The following WNK3 variants were observed in gnomAD, a reference collection of about 807,000 sequenced individuals.
WNK3 encodes the protein WNK lysine deficient protein kinase 3.
Under a neutral mutation model 116.7 loss-of-function variants are expected in WNK3, and 18 were observed. The ratio of observed to expected loss-of-function variants is 0.15; its 90% CI spans 0.11 to 0.23. WNK3 has a LOEUF of 0.23. Among genes scored for constraint, WNK3 ranks in the 10% least tolerant of loss-of-function variants. WNK3 has a pLI of 1.00. For missense variants in WNK3, 993 were observed against 1,323.8 expected (o/e 0.75, Z 3.88); for synonymous variants, 404 against 469.4 (o/e 0.86, Z 1.80).
chrX:54,317,912 G>A (rs2068980852), intron 2 of WNK3, among the ~76,000 whole-genome samples: 1 of 110,250 alleles, frequency 9.1e-6, no homozygotes, highest in South Asian at 4.0e-4. Flanking sequence ...GATTATAGGC[G>A]TGAGCCACCG....
chrX:54,216,136 C>G (rs953568165), intron 22 of WNK3, among the ~76,000 whole-genome samples: 1 of 109,942 alleles, frequency 9.1e-6, no homozygotes, highest in Non-Finnish European at 1.9e-5. Context: ...GGGACACAAA[C>G]ACTGCGGAAG....
At chrX:54,232,589 G>T (rs2067914435) in intron 21 of WNK3, among the ~76,000 whole-genome samples, 1 of 112,053 alleles carries the variant, frequency 8.9e-6, no homozygotes, top group African/African-American at 3.2e-5. Flanking sequence ...CCAAATAAAA[G>T]CATGAACCAT....
chrX:54,272,127 C>T (rs781978839), intron 10 of WNK3, among the ~76,000 whole-genome samples: 2 of 111,980 alleles, frequency 1.8e-5, no homozygotes, highest in South Asian at 7.4e-4. Flanking sequence ...AGTCTGATTC[C>T]CTGGAAACTA....
chrX:54,213,565 C>CAAAAAAAAAAAAA (rs782750356), intron 22 of WNK3, among the ~76,000 whole-genome samples: 2 of 25,329 alleles, frequency 7.9e-5, no homozygotes, highest in East Asian at 8.5e-4. Context: ...AAAAAAAAAA[C>CAAAAAAAAAAAAA]AAACAAAAAA....
intron 22 of WNK3, among the ~76,000 whole-genome samples, chrX:54,215,500 GCCCAGGC>G (rs2067679125): frequency 8.9e-6 from 1 of 112,609 alleles, no homozygotes; most frequent in African/African-American, 3.2e-5. Context: ...GCTCAATGTT[GCCCAGGC>G]TGGAGTGCAG....
At chrX:54,293,139 A>G in exon 9 of WNK3, 1 of 1,204,467 alleles carries the variant, frequency 8.3e-7, no homozygotes, top group Non-Finnish European at 1.1e-6. Flanking sequence ...CTCACCCCTG[A>G]AACTTGCTGG....
chrX:54,215,682 G>T (rs1403972309), intron 22 of WNK3, among the ~76,000 whole-genome samples: 1 of 110,268 alleles, frequency 9.1e-6, no homozygotes, highest in Non-Finnish European at 1.9e-5. Flanking sequence ...GTCTCTGCCC[G>T]GCCGCCCATC....
At chrX:54,264,558 G>A (rs191295839) in intron 10 of WNK3, among the ~76,000 whole-genome samples, 1 of 110,506 alleles carries the variant, frequency 9.0e-6, no homozygotes, top group Non-Finnish European at 1.9e-5. Context: ...CTATTACATA[G>A]GCCAAAATGA....
intron 2 of WNK3, among the ~76,000 whole-genome samples, chrX:54,318,753 T>C (rs1305475033): frequency 9.0e-6 from 1 of 110,835 alleles, no homozygotes; most frequent in Non-Finnish European, 1.9e-5. Flanking sequence ...GTAGAGTCTT[T>C]ATGCTTTACT....
intron 2 of WNK3, among the ~76,000 whole-genome samples, chrX:54,322,343 G>A (rs1249862652): frequency 9.0e-6 from 1 of 111,709 alleles, no homozygotes; most frequent in Non-Finnish European, 1.9e-5. Context: ...TTTAGGAGCT[G>A]GAGTGAACAC....
chrX:54,213,282 C>T (rs1013447959), intron 22 of WNK3, among the ~76,000 whole-genome samples: 2 of 109,082 alleles, frequency 1.8e-5, no homozygotes, highest in South Asian at 3.9e-4. Context: ...AGATAATGAG[C>T]GGTGGCTCAC....
intron 10 of WNK3, among the ~76,000 whole-genome samples, chrX:54,270,757 G>A (rs1191639202): frequency 1.8e-5 from 2 of 109,761 alleles, no homozygotes; most frequent in African/African-American, 3.3e-5. Context: ...CAACAGGCCC[G>A]GTGTGTGATG....
chrX:54,283,015 C>CA (rs1383697413), intron 10 of WNK3, among the ~76,000 whole-genome samples: 1 of 112,071 alleles, frequency 8.9e-6, no homozygotes, highest in African/African-American at 3.2e-5. Flanking sequence ...AGGACACCAT[C>CA]AAGAAGGTGA....
At chrX:54,308,514 T>C (rs781822820) in intron 4 of WNK3, among the ~76,000 whole-genome samples, 2 of 112,067 alleles carry the variant, frequency 1.8e-5, no homozygotes, top group South Asian at 7.5e-4. Flanking sequence ...ATACAATTTG[T>C]TGAATATTTG....
chrX:54,214,986 G>A (rs927266950), intron 22 of WNK3, among the ~76,000 whole-genome samples: 1 of 108,106 alleles, frequency 9.3e-6, no homozygotes, highest in African/African-American at 3.4e-5. Flanking sequence ...ACGTGGTGGC[G>A]GGTGCCTATA....
chrX:54,252,386 AAAG>A (rs1239035980), intron 13 of WNK3, among the ~76,000 whole-genome samples: 1 of 111,506 alleles, frequency 9.0e-6, no homozygotes, highest in Non-Finnish European at 1.9e-5. Context: ...CAAAGAAAAT[AAAG>A]AATAGCTCGG....
At chrX:54,273,649 C>T (rs2068409502) in intron 10 of WNK3, among the ~76,000 whole-genome samples, 2 of 111,971 alleles carry the variant, frequency 1.8e-5, no homozygotes, top group African/African-American at 6.5e-5. Context: ...AGAACAGAAA[C>T]CAATAGATCA....
exon 12 of WNK3, chrX:54,255,748 C>T (rs781843108): frequency 1.6e-5 from 19 of 1,204,777 alleles, no homozygotes; most frequent in Admixed American, 6.7e-5. Flanking sequence ...ACCTGAAGGA[C>T]GGTAAGCTGA....
At chrX:54,309,119 T>C (rs782042709) in exon 4 of WNK3, 1 of 1,208,347 alleles carries the variant, frequency 8.3e-7, no homozygotes, top group East Asian at 3.0e-5. Context: ...GCAAATGAGG[T>C]ACGCATTAAG....
Sources: allele counts gnomAD v4.1 joint callset (sites outside exome capture counted in the v4.1 genomes callset), GRCh38; gene constraint gnomAD v4.1.1; transcripts MANE v1.5; gene names NCBI Gene and HGNC (gene_info 2026-07-23, HGNC 2026-07-21).